Variants in TTPAL observed in about 807,000 individuals in gnomAD.
The protein encoded by TTPAL is alpha-tocopherol transfer protein-like.
A neutral mutation model predicts 28.7 loss-of-function variants in TTPAL; 21 were observed. The observed-to-expected ratio is 0.73, with a 90% CI of 0.52 to 1.06. The LOEUF is 1.06. TTPAL is among the 50% of genes least tolerant of loss of function. The probability of loss-of-function intolerance (pLI) is 0.00; values close to 1 mark genes in which losing one functional copy is unlikely to be tolerated. For missense variants in TTPAL, 345 were observed against 425.5 expected, an observed-to-expected ratio of 0.81 and a Z score of 1.67; for synonymous variants, 169 against 171.9, an observed-to-expected ratio of 0.98 and a Z score of 0.13.
rs2064187932 is a variant in TTPAL, at chr20:44,489,762, C to G, written c.*221C>G. 1 of 542,868 alleles carries G rather than the reference C, an allele frequency of 1.8e-6. No homozygotes were observed. Among genetic ancestry groups the G allele is most frequent in the Admixed American group, 3.6e-5 (1 of 28,096 alleles). The allele number at this position is 542,868 out of a possible 1,614,324, so 33.6% of individuals were successfully genotyped here. A position where few individuals can be genotyped will look rare whatever the true frequency, so the allele number is the denominator to read the frequency against. On this transcript the variant is annotated 3_prime_UTR_variant, in exon 5 of 5. Coordinates refer to ENST00000262605, the MANE Select transcript of TTPAL (RefSeq NM_001039199.3). ...GAAAATGTCCCCACTGATTCTTAAA[C>G]ATTTGGAATCCCAGTCTGCAACTAT...
intron 1 of TTPAL, among the ~76,000 whole-genome samples, chr20:44,476,295 A>G (rs755097503): frequency 6.6e-6 from 1 of 152,112 alleles, no homozygotes; most frequent in African/African-American, 2.4e-5. Flanking sequence ...ACCGTTACCA[A>G]TGGTGTCTGC....
At chr20:44,488,205 T>A (rs1385847147) in intron 4 of TTPAL, among the ~76,000 whole-genome samples, 1 of 152,180 alleles carries the variant, frequency 6.6e-6, no homozygotes, top group Non-Finnish European at 1.5e-5. Flanking sequence ...TGCTTTAAAA[T>A]CCCCTTAGGA....
chr20:44,492,046 A>T lies in TTPAL; in HGVS notation c.*2505A>T, dbSNP rs1236549534. ...AGCTTCTAGAAGGAGTTGGAGCCTA[A>T]GTTTATCTGCCTCCGGGAGCTGCTT... is the stretch of plus-strand genomic sequence containing the variant. On this transcript the variant is annotated 3_prime_UTR_variant, in exon 5 of 5. Coordinates refer to ENST00000262605, the MANE Select transcript of TTPAL (RefSeq NM_001039199.3). 1 of 152,358 alleles carries T rather than the reference A, an allele frequency of 6.6e-6. No individual in the cohort carries two copies. The highest frequency in any genetic ancestry group is 2.4e-5 in the African/African-American group (1 of 41,442). The allele number at this position is 152,358 out of a possible 1,614,324, so 9.4% of individuals were successfully genotyped here.
At chr20:44,478,757 A>G (rs1276248457) in intron 1 of TTPAL, 3 of 152,342 alleles carry the variant, frequency 2.0e-5, no homozygotes, top group South Asian at 2.1e-4. Context: ...CTTTTTTAAT[A>G]TGTCAATTCA....
At position 44,486,699 on chromosome 20, in the gene TTPAL, C is replaced by G; in HGVS notation, c.743C>G (p.Ala248Gly). 1 of 1,580,552 alleles carries G rather than the reference C, an allele frequency of 6.3e-7. No individual in the cohort carries two copies. Among genetic ancestry groups the G allele is most frequent in the Non-Finnish European group, 8.7e-7 (1 of 1,150,732 alleles). ...AAACCATTTCTAAAGGAGAAAATAGCAAACAGAGTAAGTGATGATCCTATT... is the reference window on the plus strand; with the variant it reads ...AAACCATTTCTAAAGGAGAAAATAGGAAACAGAGTAAGTGATGATCCTATT... ...IIKPFLKEKI[A>G]NRFFLHGSDL... The change falls in exon 4 of 5, where the codon GCA becomes GGA. Residue 248 changes from alanine to glycine, a missense_variant. Ala to Gly is a moderately conservative substitution (Grantham distance 60, BLOSUM62 0). Transcript: ENST00000262605.
At position 44,480,529 on chromosome 20, in the gene TTPAL, C is replaced by T; in HGVS notation, c.445+85C>T. On this transcript the variant is annotated intron_variant, in intron 2 of 4. Coordinates refer to ENST00000262605, the MANE Select transcript of TTPAL (RefSeq NM_001039199.3). This position sits in a 1 kb window ranked among gnomAD's most constrained non-coding sequence, Gnocchi z 4.1. ...AGCACCCTGTCCTCCTTTCCAAGTC[C>T]CTTTTTTACCCCTCCTTTGTTATAG... is the stretch of plus-strand genomic sequence containing the variant. 7.7e-7 allele frequency: 1 copy of T among 1,299,580 alleles called. No individual in the cohort carries two copies. The highest frequency in any genetic ancestry group is 1.1e-6 in the Non-Finnish European group (1 of 950,522). The allele number at this position is 1,299,580 out of a possible 1,614,324, so 80.5% of individuals were successfully genotyped here.
chr20:44,484,183 T>A (rs966576521), intron 2 of TTPAL, among the ~76,000 whole-genome samples, 154 bp from the exon 3 acceptor site: 1 of 152,262 alleles, frequency 6.6e-6, no homozygotes, highest in African/African-American at 2.4e-5. Flanking sequence ...CTGCTGCTTA[T>A]TGTTCCATTT....
intron 1 of TTPAL, 150 bp from the exon 2 acceptor site, chr20:44,479,829 CGTGTAT>C: frequency 1.5e-6 from 1 of 666,818 alleles, no homozygotes; most frequent in Non-Finnish European, 2.5e-6. Context: ...GTCAGACTTG[CGTGTAT>C]GGTTTAGATC....
chr20:44,488,485 C>G (rs1018847362), intron 4 of TTPAL, among the ~76,000 whole-genome samples: 1 of 151,930 alleles, frequency 6.6e-6, no homozygotes, highest in African/African-American at 2.4e-5. Flanking sequence ...ACCCCTGCCC[C>G]TAGGAAAATT....
In TTPAL at chr20:44,480,564, T is replaced by C. The variant is rs2064094907; in HGVS notation, c.445+120T>C. The C allele has an allele frequency of 9.7e-7, 1 of 1,029,486 alleles. No individual in the cohort carries two copies. The highest frequency in any genetic ancestry group is 1.4e-6 in the Non-Finnish European group (1 of 714,984). 63.8% of individuals were successfully genotyped at this position (1,029,486 alleles called of 1,614,324 possible). Reference sequence around the variant, plus strand: ...CCCTCCTTTGTTATAGTCAAGGCTCTTTTGATTGCAGATAACACAAACCTA... The same window carrying C: ...CCCTCCTTTGTTATAGTCAAGGCTCCTTTGATTGCAGATAACACAAACCTA... On this transcript the variant is annotated intron_variant, in intron 2 of 4. Coordinates refer to ENST00000262605, the MANE Select transcript of TTPAL (RefSeq NM_001039199.3). The surrounding 1 kb of genome is among the most constrained non-coding windows in gnomAD (Gnocchi z 4.1).
chr20:44,489,265 C>T lies in TTPAL; in HGVS notation c.753C>T (p.Phe251=). The T allele has an allele frequency of 6.2e-7, 1 of 1,610,940 alleles. No individual in the cohort carries two copies. Among genetic ancestry groups the T allele is most frequent in the Non-Finnish European group, 8.5e-7 (1 of 1,177,474 alleles). ...PFLKEKIANR[F]FLHGSDLNSL... ...GTTTTCATTTCATTCCCTTTTAGTTCTTCCTCCATGGGTCTGACTTGAACT... is the reference window on the plus strand; with the variant it reads ...GTTTTCATTTCATTCCCTTTTAGTTTTTCCTCCATGGGTCTGACTTGAACT... Residue 251 remains phenylalanine, a splice_region_variant and synonymous_variant, in exon 5 of 5, where the codon TTC becomes TTT. Transcript: ENST00000262605.
At position 44,488,991 on chromosome 20, in the gene TTPAL, G is replaced by A. The variant is rs73615462; in HGVS notation, c.751-272G>A. 6.9e-3 allele frequency among the ~76,000 whole-genome samples: 1,044 copies of A among 152,304 alleles called. 10 individuals are homozygous for A. The highest frequency in any genetic ancestry group is 0.062 in the East Asian group (323 of 5,184). On this transcript the variant is annotated intron_variant, in intron 4 of 4. Coordinates refer to ENST00000262605, the MANE Select transcript of TTPAL (RefSeq NM_001039199.3). ...CCACTGGAGGAATCCAGGGAGAAGC[G>A]ATGTGGCTGCTGCCATTAATTGAAT...
intron 1 of TTPAL, among the ~76,000 whole-genome samples, chr20:44,479,399 GTTT>G (rs869123576): frequency 2.6e-4 from 21 of 81,540 alleles, no homozygotes; most frequent in Admixed American, 6.5e-4. Context: ...AATCTGAGTT[GTTT>G]TTTTTTTTTT....
At chr20:44,487,669 T>A (rs1261010494) in intron 4 of TTPAL, among the ~76,000 whole-genome samples, 1 of 152,250 alleles carries the variant, frequency 6.6e-6, no homozygotes, top group Non-Finnish European at 1.5e-5. Flanking sequence ...AATTCCCTCT[T>A]CAGCCTTTCC....
chr20:44,482,883 A>T (rs2064119419), intron 2 of TTPAL, among the ~76,000 whole-genome samples: 1 of 152,008 alleles, frequency 6.6e-6, no homozygotes, highest in Non-Finnish European at 1.5e-5. Context: ...TTTGAGACAG[A>T]GTCTCGCTCT....
rs1490236065 is a variant in TTPAL at position 44,489,387 on chromosome 20, C to T, written c.875C>T (p.Ala292Val). 1 of 1,614,086 alleles carries T rather than the reference C, an allele frequency of 6.2e-7. No homozygotes were observed. The highest frequency in any genetic ancestry group is 8.5e-7 in the Non-Finnish European group (1 of 1,180,050). The stretch of plus-strand genomic sequence containing the variant: ...GCCACCTGGAACGCGGTACTGCTGG[C>T]TTCAGAAGACGATTTTGTGAAAGAG... Reference protein sequence around the residue: ...DTATWNAVLLASEDDFVKEFC... With the variant: ...DTATWNAVLLVSEDDFVKEFC... Residue 292 changes from alanine to valine, a missense_variant, in exon 5 of 5, where the codon GCT becomes GTT. Ala to Val is a moderately conservative substitution (Grantham distance 64). Coordinates refer to ENST00000262605, the MANE Select transcript of TTPAL (RefSeq NM_001039199.3).
intron 3 of TTPAL, among the ~76,000 whole-genome samples, chr20:44,485,240 A>C (rs1421624361): frequency 1.3e-5 from 2 of 151,962 alleles, no homozygotes; most frequent in African/African-American, 4.8e-5. Context: ...GATGCTTCAC[A>C]CCTCATGTTC....
intron 1 of TTPAL, among the ~76,000 whole-genome samples, chr20:44,479,416 T>C (rs1447919591): frequency 1.4e-5 from 2 of 146,276 alleles, no homozygotes; most frequent in Admixed American, 6.8e-5. Context: ...TTTTTTTTTT[T>C]TTTTTTTTTT....
At chr20:44,485,927 T>C (rs2064147805) in intron 3 of TTPAL, 1 of 152,208 alleles carries the variant, frequency 6.6e-6, no homozygotes, top group African/African-American at 2.4e-5. Context: ...TCAAACTCAT[T>C]TGCCTGCTGT....
Sources: gnomAD v4.1 joint callset for allele counts (sites outside exome capture counted in the v4.1 genomes callset) on GRCh38, gnomAD v4.1.1 for gene constraint, Gnocchi (gnomAD v3.1) non-coding constraint, MANE v1.5 for transcripts, NCBI Gene and HGNC (gene_info 2026-07-23, HGNC 2026-07-21) for gene names.